FRAS1: variants seen among roughly 807,000 people sequenced by gnomAD.
FRAS1 encodes Fraser extracellular matrix complex subunit 1, also known as extracellular matrix organizing protein FRAS1.
Under a neutral mutation model 435.2 loss-of-function variants are expected in FRAS1, and 290 were observed. The ratio of observed to expected loss-of-function variants is 0.67; its 90% confidence interval spans 0.61 to 0.73. FRAS1 has a LOEUF of 0.73. FRAS1 is among the 30% of genes least tolerant of loss of function. The pLI is 0.00. For synonymous variants in FRAS1, 1,800 were observed against 1,851.0 expected, an observed-to-expected ratio of 0.97 and a Z score of 0.71; for missense variants, 4,860 against 5,001.5, an observed-to-expected ratio of 0.97 and a Z score of 0.85.
intron 44 of FRAS1, 110 bp downstream of exon 44, chr4:78,448,426 C>A (rs1718922505): frequency 3.0e-6 from 3 of 1,016,234 alleles, no homozygotes; most frequent in Non-Finnish European, 2.8e-6. Flanking sequence ...TCTTAAAGTA[C>A]CTGTTCCATA....
chr4:78,305,914 G>A (rs971496515), intron 14 of FRAS1, among the ~76,000 whole-genome samples: 1 of 151,332 alleles, frequency 6.6e-6, no homozygotes, highest in African/African-American at 2.4e-5. Flanking sequence ...TATGATGTTA[G>A]CTGCTTATTT....
At chr4:78,197,305 T>A (rs1259624804) in intron 2 of FRAS1, among the ~76,000 whole-genome samples, 2 of 152,196 alleles carry the variant, frequency 1.3e-5, no homozygotes, top group Non-Finnish European at 2.9e-5. Context: ...CTCAAAGAAG[T>A]AAAGACACAT....
chr4:78,278,362 CCTTGGT>C (rs1185451763), intron 9 of FRAS1, among the ~76,000 whole-genome samples: 10 of 152,124 alleles, frequency 6.6e-5, no homozygotes, highest in African/African-American at 2.4e-4. Context: ...ATAACATTAA[CCTTGGT>C]CTTCCTTCTT....
chr4:78,542,139 T>A lies in FRAS1; in HGVS notation c.*1015T>A, dbSNP rs1388969020. ...AGGCAAATTAGGAGAAAGCCCAGGT[T>A]GGGGTGAAATCAGACTTAACAGATA... is the stretch of plus-strand genomic sequence containing the variant. On this transcript the variant is annotated 3_prime_UTR_variant, in exon 74 of 74. Transcript: ENST00000512123. The A allele has an allele frequency of 6.6e-6, 1 of 152,178 alleles. No individual in the cohort carries two copies. The highest frequency in any genetic ancestry group is 2.4e-5 in the African/African-American group (1 of 41,438). 9.4% of individuals were successfully genotyped at this position (152,178 alleles called of 1,614,324 possible).
At chr4:78,507,334 T>C in intron 61 of FRAS1, 87 bp from the exon 62 acceptor site, 1 of 1,121,092 alleles carries the variant, frequency 8.9e-7, no homozygotes, top group Non-Finnish European at 1.2e-6. Flanking sequence ...TATTTTAACA[T>C]AATGTCTCAG....
intron 32 of FRAS1, among the ~76,000 whole-genome samples, 197 bp from the exon 33 acceptor site, chr4:78,418,752 C>T (rs1733645743): frequency 6.6e-6 from 1 of 152,174 alleles, no homozygotes; most frequent in Non-Finnish European, 1.5e-5. Context: ...AAAGGACTCT[C>T]TAAACCTAGG....
At chr4:78,512,296 T>C (rs927344487) in intron 64 of FRAS1, among the ~76,000 whole-genome samples, 1 of 152,204 alleles carries the variant, frequency 6.6e-6, no homozygotes, top group Non-Finnish European at 1.5e-5. Flanking sequence ...AATGAGTTCC[T>C]TTGTATGAAT....
At chr4:78,392,892 G>A (rs1732506935) in intron 29 of FRAS1, among the ~76,000 whole-genome samples, 1 of 151,856 alleles carries the variant, frequency 6.6e-6, no homozygotes, top group Non-Finnish European at 1.5e-5. Flanking sequence ...ATGTAGAAAA[G>A]ATGATATATA....
rs534970149 is a variant in FRAS1 at position 78,479,614 on chromosome 4, C to T, written c.8339C>T (p.Ala2780Val). The change falls in exon 56 of 74, where the codon GCC becomes GTC. Residue 2780 changes from alanine (A) to valine (V), a missense_variant. Physicochemically the swap from Ala to Val is moderately conservative, Grantham distance 64 (BLOSUM62 0). Transcript: ENST00000512123. ...GCCTTGGCAGATGCCTCTGACAATG[C>T]CCGCATTGGAAGGGTGGCGACAGCC... Reference protein sequence around the residue: ...EIALADASDNARIGRVATAKV... With the variant: ...EIALADASDNVRIGRVATAKV... The T allele has an allele frequency of 1.2e-5, 19 of 1,613,904 alleles. No homozygotes were observed. The African/African-American group carries it at 2.1e-4, about 18-fold the overall frequency.
rs747564209 is a variant in FRAS1 at position 78,372,851 on chromosome 4, C to T, written c.3003C>T (p.Leu1001=). The T allele has an allele frequency of 6.2e-7, 1 of 1,612,550 alleles. No individual in the cohort carries two copies. Among genetic ancestry groups the T allele is most frequent in the Non-Finnish European group, 8.5e-7 (1 of 1,179,650 alleles). The change falls in exon 24 of 74, where the codon CTC becomes CTT. Residue 1001 remains leucine, a synonymous_variant. Transcript: ENST00000512123. ...CLSSFYQDSG[L]CKNCDSYCLQ... is the part of the protein sequence containing the mutation. ...CATCATTTTACCAGGACTCGGGCCT[C>T]TGCAAGAGTAAGTGTGTAGAGGCCC... is the stretch of plus-strand genomic sequence containing the variant.
intron 62 of FRAS1, 108 bp downstream of exon 62, chr4:78,507,716 A>G: frequency 9.5e-7 from 1 of 1,047,946 alleles, no homozygotes; most frequent in Non-Finnish European, 1.3e-6. Flanking sequence ...GTGGTTCCCA[A>G]CCAGGAGCCA....
chr4:78,425,545 C>T (rs1307451368), intron 35 of FRAS1, among the ~76,000 whole-genome samples: 1 of 152,158 alleles, frequency 6.6e-6, no homozygotes, highest in Non-Finnish European at 1.5e-5. Flanking sequence ...AAAATGTTAG[C>T]AGTAGAGTTG....
intron 14 of FRAS1, among the ~76,000 whole-genome samples, chr4:78,296,868 C>A (rs980046085): frequency 6.6e-6 from 1 of 152,174 alleles, no homozygotes; most frequent in African/African-American, 2.4e-5. Flanking sequence ...TGATCACACA[C>A]AAAATTCTCT....
intron 2 of FRAS1, among the ~76,000 whole-genome samples, chr4:78,134,066 C>T (rs1719817382): frequency 2.0e-5 from 3 of 150,706 alleles, no homozygotes; most frequent in South Asian, 4.2e-4. Flanking sequence ...TCATGCCATT[C>T]TCCTGCCTCA....
intron 2 of FRAS1, among the ~76,000 whole-genome samples, chr4:78,128,366 C>G (rs959949229): frequency 1.2e-4 from 19 of 152,308 alleles, no homozygotes; most frequent in Non-Finnish European, 2.5e-4. Context: ...TACAGTCCCA[C>G]CAACAGTGTA....
chr4:78,090,446 A>AT (rs565546185), intron 2 of FRAS1, among the ~76,000 whole-genome samples: 308 of 152,026 alleles, frequency 2.0e-3, no homozygotes, highest in Middle Eastern at 3.4e-3. Flanking sequence ...TTTTCTATTG[A>AT]TTTTTTTTGC....
At chr4:78,063,022 A>C (rs932993534) in intron 1 of FRAS1, among the ~76,000 whole-genome samples, 19 of 152,000 alleles carry the variant, frequency 1.3e-4, no homozygotes, top group Admixed American at 1.2e-3. Context: ...CTAGATCAGC[A>C]CTCTCTCACA....
At chr4:78,063,829 AT>A (rs1739869127) in intron 1 of FRAS1, among the ~76,000 whole-genome samples, 2 of 152,146 alleles carry the variant, frequency 1.3e-5, no homozygotes, top group Non-Finnish European at 2.9e-5. Context: ...TAAAGATTAA[AT>A]TTTGTTTGTG....
intron 2 of FRAS1, among the ~76,000 whole-genome samples, chr4:78,125,930 G>A (rs1184417340): frequency 6.6e-6 from 1 of 152,182 alleles, no homozygotes; most frequent in Admixed American, 6.5e-5. Context: ...AGGCAGGGAC[G>A]TTTAAGTCTG....
Sources: gnomAD v4.1 joint callset for allele counts (sites outside exome capture counted in the v4.1 genomes callset) on GRCh38, gnomAD v4.1.1 for gene constraint, MANE v1.5 for transcripts, NCBI Gene and HGNC (gene_info 2026-07-23, HGNC 2026-07-21) for gene names.